INTS13: variants seen among roughly 807,000 people sequenced by gnomAD.
The protein encoded by INTS13 is asunder, spermatogenesis regulator homolog (Drosphila).
A neutral mutation model predicts 90.2 loss-of-function variants in INTS13; 35 were observed. The ratio of observed to expected loss-of-function variants is 0.39; its 90% confidence interval spans 0.30 to 0.51. INTS13 has a LOEUF of 0.51. INTS13 is among the 20% of genes least tolerant of loss of function. The pLI is 0.80. For synonymous variants in INTS13, 309 were observed against 277.1 expected (o/e 1.11, Z -1.14); for missense variants, 601 against 851.2 (o/e 0.71, Z 3.66).
At chr12:26,923,545 TA>T (rs1937700450) in intron 7 of INTS13, among the ~76,000 whole-genome samples, 1 of 152,194 alleles carries the variant, frequency 6.6e-6, no homozygotes, top group Non-Finnish European at 1.5e-5. Context: ...ACATAATCAA[TA>T]CAATTAAATT....
intron 16 of INTS13, 143 bp downstream of exon 16, chr12:26,906,159 T>A (rs1001514236): frequency 4.0e-6 from 3 of 756,404 alleles, no homozygotes; most frequent in Non-Finnish European, 6.2e-6. Context: ...ATCAAAGAGG[T>A]TAATTTTTTC....
intron 3 of INTS13, among the ~76,000 whole-genome samples, chr12:26,934,221 A>G (rs1938342812): frequency 6.6e-6 from 1 of 152,210 alleles, no homozygotes; most frequent in Non-Finnish European, 1.5e-5. Context: ...CAGTGAGCCG[A>G]GATGGCGCAA....
At chr12:26,910,450 T>C (rs1951737749) in intron 15 of INTS13, among the ~76,000 whole-genome samples, 1 of 152,204 alleles carries the variant, frequency 6.6e-6, no homozygotes, top group Admixed American at 6.5e-5. Flanking sequence ...GGTTTGGCTG[T>C]GTCCCCACCC....
chr12:26,926,402 T>C (rs1937876624), intron 5 of INTS13, among the ~76,000 whole-genome samples: 1 of 152,200 alleles, frequency 6.6e-6, no homozygotes, highest in Admixed American at 6.5e-5. Flanking sequence ...TATACTATAC[T>C]TAGGTAGATG....
intron 13 of INTS13, 112 bp from the exon 14 acceptor site, chr12:26,913,799 A>C: frequency 8.6e-7 from 1 of 1,159,890 alleles, no homozygotes. Context: ...CTTGGTACTT[A>C]ATAGTGAAAT....
intron 5 of INTS13, among the ~76,000 whole-genome samples, chr12:26,927,301 T>C (rs1349789374): frequency 1.3e-5 from 2 of 152,200 alleles, no homozygotes; most frequent in East Asian, 3.9e-4. Flanking sequence ...GTTACAGTCT[T>C]GTGGAACTGA....
At chr12:26,924,323 C>T in intron 7 of INTS13, 32 bp downstream of exon 7, 2 of 1,606,900 alleles carry the variant, frequency 1.2e-6, no homozygotes, top group South Asian at 2.2e-5. Flanking sequence ...CAAAGCAGTG[C>T]TTTCAAAATA....
intron 2 of INTS13, among the ~76,000 whole-genome samples, chr12:26,936,313 A>G (rs1217702009): frequency 6.6e-6 from 1 of 152,174 alleles, no homozygotes; most frequent in East Asian, 1.9e-4. Flanking sequence ...ACCTAACATG[A>G]CTGTTATGAG....
At position 26,934,627 on chromosome 12, in the gene INTS13, T is replaced by C; in HGVS notation, c.229A>G (p.Asn77Asp). The C allele has an allele frequency of 6.2e-7, 1 of 1,611,114 alleles. No homozygotes were observed. The highest frequency in any genetic ancestry group is 8.5e-7 in the Non-Finnish European group (1 of 1,177,732). Residue 77 changes from asparagine to aspartate, a missense_variant, in exon 3 of 17, where the codon AAT (asparagine) becomes GAT (aspartate). Around this residue, in one of 3 missense-constraint regions of INTS13, gnomAD observed 284 missense variants for 387.7 expected, o/e 0.73. Transcript: ENST00000261191. ...GCTCCAGAGTCACTCACAATAAAAT[T>C]CACCTAATAGATTCCAAAGAAACAA... ...YDIFPFKKLV[N>D]FIVSDSGAHV... is the part of the protein sequence containing the mutation.
At chr12:26,935,511 C>T (rs1240870003) in intron 2 of INTS13, among the ~76,000 whole-genome samples, 7 of 152,144 alleles carry the variant, frequency 4.6e-5, no homozygotes, top group Non-Finnish European at 7.4e-5. Flanking sequence ...AGTCACTTTA[C>T]GTAGATTTAT....
At chr12:26,907,288 A>T (rs1565814601) in intron 15 of INTS13, among the ~76,000 whole-genome samples, 1 of 65,668 alleles carries the variant, frequency 1.5e-5, no homozygotes, top group East Asian at 9.4e-4. Context: ...AATATAAAAG[A>T]GAATCCAGAA....
intron 6 of INTS13, among the ~76,000 whole-genome samples, chr12:26,925,387 T>C (rs1937812372): frequency 6.6e-6 from 1 of 152,154 alleles, no homozygotes; most frequent in Non-Finnish European, 1.5e-5. Context: ...CCTCTGAATG[T>C]GTAAAATTAA....
intron 9 of INTS13, 21 bp downstream of exon 9, chr12:26,917,623 C>T (rs778737449): frequency 1.3e-6 from 2 of 1,584,460 alleles, no homozygotes; most frequent in Non-Finnish European, 1.7e-6. Flanking sequence ...TCGTCTTTTT[C>T]AGTTATTCTT....
In INTS13 at chr12:26,924,446, C is replaced by G; in HGVS notation, c.713G>C (p.Arg238Pro). The change falls in exon 7 of 17, where the codon CGT becomes CCT. Residue 238 changes from arginine (R) to proline (P), a missense_variant. Physicochemically the swap from Arg to Pro is moderately radical, Grantham distance 103. Coordinates refer to ENST00000261191, the MANE Select transcript of INTS13 (RefSeq NM_018164.3). ...TTTGGTAGCAAGATGCCGTCCTGCA[C>G]GAACACTATGAACTTCACTGGTTAA... ...PVLTSEVHSV[R>P]AGRHLATKLN... The G allele has an allele frequency of 1.2e-6, 2 of 1,612,372 alleles. No homozygotes were observed. Among genetic ancestry groups the G allele is most frequent in the Non-Finnish European group, 1.7e-6 (2 of 1,179,022 alleles).
At chr12:26,911,391 T>A in intron 14 of INTS13, 74 bp from the exon 15 acceptor site, 1 of 1,300,066 alleles carries the variant, frequency 7.7e-7, no homozygotes, top group East Asian at 2.5e-5. Context: ...TTAAACTAAC[T>A]TTGCATATCA....
At position 26,914,589 on chromosome 12, in the gene INTS13, C is replaced by T. The variant is rs780952467; in HGVS notation, c.1249-11G>A. The T allele has an allele frequency of 6.3e-7, 1 of 1,592,226 alleles. No homozygotes were observed. Among genetic ancestry groups the T allele is most frequent in the Non-Finnish European group, 8.6e-7 (1 of 1,164,486 alleles). ...AAATTCACCAAAATCCTAATGATAACCAAATAAGATAAAATTAGAAACTAT... is the reference window on the plus strand; with the variant it reads ...AAATTCACCAAAATCCTAATGATAATCAAATAAGATAAAATTAGAAACTAT... On this transcript the variant is annotated splice_polypyrimidine_tract_variant and intron_variant, in intron 11 of 16. Coordinates refer to ENST00000261191, the MANE Select transcript of INTS13 (RefSeq NM_018164.3).
intron 14 of INTS13, among the ~76,000 whole-genome samples, chr12:26,912,167 G>C (rs187805113): frequency 1.0e-3 from 159 of 152,296 alleles, no homozygotes; most frequent in African/African-American, 3.8e-3. Flanking sequence ...AGTCGCAGTG[G>C]CTCATGCCTG....
intron 7 of INTS13, among the ~76,000 whole-genome samples, chr12:26,923,642 T>C (rs1022804465): frequency 6.6e-6 from 1 of 152,150 alleles, no homozygotes; most frequent in Non-Finnish European, 1.5e-5. Context: ...ATAATGTTAA[T>C]ATAATGAAAA....
In INTS13 at chr12:26,913,632, T is replaced by A; in HGVS notation, c.1630A>T (p.Ile544Phe). Reference sequence around the variant, plus strand: ...CTTTGATGTTTCTCTGAGTTGTTGATATGGGCTCTGACAAGGGTTTCTAAT... The same window carrying A: ...CTTTGATGTTTCTCTGAGTTGTTGAAATGGGCTCTGACAAGGGTTTCTAAT... ...NELETLVRAH[I>F]NNSEKHQRVL... The change falls in exon 14 of 17, where the codon ATC (isoleucine) becomes TTC (phenylalanine). Residue 544 changes from isoleucine to phenylalanine, a missense_variant. This residue lies in a region of INTS13 where 228 missense variants were observed against 272.5 expected (regional missense o/e 0.84). Transcript: ENST00000261191. 6.2e-7 allele frequency: 1 copy of A among 1,614,162 alleles called. No individual in the cohort carries two copies. The highest frequency in any genetic ancestry group is 8.5e-7 in the Non-Finnish European group (1 of 1,180,026).
Sources: gnomAD v4.1 joint callset for allele counts (sites outside exome capture counted in the v4.1 genomes callset) on GRCh38, gnomAD v4.1.1 for gene constraint, gnomAD v4.1.1 regional missense constraint, MANE v1.5 for transcripts, NCBI Gene and HGNC (gene_info 2026-07-23, HGNC 2026-07-21) for gene names.